The following AGAP1 variants were observed in gnomAD, a reference collection of about 807,000 sequenced individuals.
The protein encoded by AGAP1 is arf-GAP with GTPase, ANK repeat and PH domain-containing protein 1.
Under a neutral mutation model 105.3 loss-of-function variants are expected in AGAP1, and 29 were observed. The observed-to-expected ratio is 0.28, with a 90% CI of 0.21 to 0.38. The LOEUF (loss-of-function observed/expected upper bound fraction) is 0.38, where lower values mean the gene tolerates loss of function less well. Ranked by LOEUF, AGAP1 falls within the 10% of genes least tolerant of loss-of-function variation. The pLI is 1.00. For missense variants in AGAP1, 998 were observed against 1,165.1 expected (o/e 0.86, Z 2.09); for synonymous variants, 509 against 485.9 (o/e 1.05, Z -0.63).
intron 13 of AGAP1, among the ~76,000 whole-genome samples, chr2:236,025,576 A>G (rs1453322997): frequency 1.3e-5 from 2 of 152,170 alleles, no homozygotes; most frequent in South Asian, 2.1e-4. Flanking sequence ...GGTCACTGCA[A>G]TGCCACCGAA....
At chr2:235,790,350 G>A (rs1013256569) in intron 6 of AGAP1, among the ~76,000 whole-genome samples, 4 of 152,004 alleles carry the variant, frequency 2.6e-5, no homozygotes, top group African/African-American at 9.7e-5. Context: ...AAGGGTAGAG[G>A]GACAGTTTTA....
In AGAP1 at chr2:235,872,861, G is replaced by A. The variant is rs564431205; in HGVS notation, c.1051-10484G>A. 6.6e-6 allele frequency among the ~76,000 whole-genome samples: 1 copy of A among 152,194 alleles called. No homozygotes were observed. Among genetic ancestry groups the A allele is most frequent in the Non-Finnish European group, 1.5e-5 (1 of 68,038 alleles). ...CCATGGTCGAACTGGAACTTGCTTTGGGAAGAGTGTGGACTAAGAAGGGGC... is the reference window on the plus strand; with the variant it reads ...CCATGGTCGAACTGGAACTTGCTTTAGGAAGAGTGTGGACTAAGAAGGGGC... On this transcript the variant is annotated intron_variant, in intron 9 of 17. Transcript: ENST00000304032. This position sits in a 1 kb window ranked among gnomAD's most constrained non-coding sequence, Gnocchi z 4.5.
Position 235,662,489 on chromosome 2 carries a change from G to T in AGAP1, c.164-46690G>T, listed in dbSNP as rs551489984. 1.0e-3 allele frequency among the ~76,000 whole-genome samples: 151 copies of T among 150,922 alleles called. No homozygotes were observed. The highest frequency in any genetic ancestry group is 1.5e-3 in the Non-Finnish European group (102 of 67,834). On this transcript the variant is annotated intron_variant, in intron 1 of 17. Transcript: ENST00000304032. This position sits in a 1 kb window ranked among gnomAD's most constrained non-coding sequence, Gnocchi z 4.2. Reference sequence around the variant, plus strand: ...AATTTAGTTTATCATTCCCCTACTTGGTCTGTCTGCCTTCATGGAAGTTGG... The same window carrying T: ...AATTTAGTTTATCATTCCCCTACTTTGTCTGTCTGCCTTCATGGAAGTTGG...
At chr2:236,008,933 G>T (rs188497384) in intron 13 of AGAP1, among the ~76,000 whole-genome samples, 2 of 152,298 alleles carry the variant, frequency 1.3e-5, no homozygotes, top group Non-Finnish European at 2.9e-5. Flanking sequence ...AAATTACGAA[G>T]ACTGTTGGCC....
chr2:235,722,729 A>G (rs1951449472), intron 3 of AGAP1, among the ~76,000 whole-genome samples: 2 of 152,118 alleles, frequency 1.3e-5, no homozygotes, highest in Non-Finnish European at 2.9e-5. Flanking sequence ...GCTTGAACGT[A>G]TCTTCTAGGG....
At position 236,113,609 on chromosome 2, in the gene AGAP1, G is replaced by A. The variant is rs1217167120; in HGVS notation, c.2115-6583G>A. Among the ~76,000 whole-genome samples, 1 of 152,190 alleles carries A rather than the reference G, an allele frequency of 6.6e-6. No homozygotes were observed. Among genetic ancestry groups the A allele is most frequent in the African/African-American group, 2.4e-5 (1 of 41,454 alleles). The stretch of plus-strand genomic sequence containing the variant: ...GGCATGGCAGGCACTAAGTATGCGG[G>A]TAGCAGGTGGGGAGTGTCCAAGAGA... On this transcript the variant is annotated intron_variant, in intron 16 of 17. Coordinates refer to ENST00000304032, the MANE Select transcript of AGAP1 (RefSeq NM_001037131.3). This position sits in a 1 kb window ranked among gnomAD's most constrained non-coding sequence, Gnocchi z 4.3.
rs748720368 is a variant in AGAP1, at chr2:235,927,368, G to A, written c.1325-3397G>A. On this transcript the variant is annotated intron_variant, in intron 11 of 17. Transcript: ENST00000304032. This position sits in a 1 kb window ranked among gnomAD's most constrained non-coding sequence, Gnocchi z 4.4. ...TCTGAGCCACACCCTCAGAGCTGCT[G>A]CACCAGCATCTCAGTGGATTGGACT... Among the ~76,000 whole-genome samples, 1 of 152,196 alleles carries A rather than the reference G, an allele frequency of 6.6e-6. No homozygotes were observed. Among genetic ancestry groups the A allele is most frequent in the African/African-American group, 2.4e-5 (1 of 41,450 alleles).
chr2:235,516,055 TCTGCTGCTGCTGCTGCTGCTGCTGCTG>T (rs112761133), intron 1 of AGAP1, among the ~76,000 whole-genome samples: 5 of 138,630 alleles, frequency 3.6e-5, no homozygotes, highest in East Asian at 2.3e-4. Context: ...CATGGGCTCC[TCTGCTGCTGCTGCTGCTGCTGCTGCTG>T]CTGCTGCTGC....
chr2:236,119,417 G>A lies in AGAP1; in HGVS notation c.2115-775G>A, dbSNP rs2059848510. On this transcript the variant is annotated intron_variant, in intron 16 of 17. Transcript: ENST00000304032. The surrounding 1 kb of genome is among the most constrained non-coding windows in gnomAD (Gnocchi z 6.6). ...CATCTCCCTGCTAAACCTCCTCATTGGAGTCTCCACCCTCTCCTGCGTGAG... is the reference window on the plus strand; with the variant it reads ...CATCTCCCTGCTAAACCTCCTCATTAGAGTCTCCACCCTCTCCTGCGTGAG... 6.6e-6 allele frequency among the ~76,000 whole-genome samples: 1 copy of A among 152,104 alleles called. No homozygotes were observed. Among genetic ancestry groups the A allele is most frequent in the East Asian group, 1.9e-4 (1 of 5,188 alleles).
At chr2:235,629,259 T>A (rs1417152915) in intron 1 of AGAP1, among the ~76,000 whole-genome samples, 3 of 149,186 alleles carry the variant, frequency 2.0e-5, no homozygotes, top group Non-Finnish European at 4.4e-5. Flanking sequence ...TAAGGCTGAG[T>A]AGTAGTCATT....
chr2:236,028,136 G>C (rs967055287), intron 13 of AGAP1, among the ~76,000 whole-genome samples: 1 of 152,178 alleles, frequency 6.6e-6, no homozygotes, highest in African/African-American at 2.4e-5. Flanking sequence ...TCATGGGGCT[G>C]ACCTTCCCAA....
intron 16 of AGAP1, chr2:236,072,303 C>A (rs1344189913): frequency 6.6e-6 from 1 of 151,934 alleles, no homozygotes; most frequent in Non-Finnish European, 1.5e-5. Context: ...TAGCTGGGCG[C>A]GGTGGTGCGC....
chr2:235,549,310 G>A lies in AGAP1; in HGVS notation c.163+54461G>A, dbSNP rs968358813. 3.3e-5 allele frequency among the ~76,000 whole-genome samples: 5 copies of A among 152,190 alleles called. No homozygotes were observed. ...TGACTGGAGAGAGCTGGCGAGTGCAGCCTGCTGGGATGCCAGCTCTCACCT... is the reference window on the plus strand; with the variant it reads ...TGACTGGAGAGAGCTGGCGAGTGCAACCTGCTGGGATGCCAGCTCTCACCT... On this transcript the variant is annotated intron_variant, in intron 1 of 17. Coordinates refer to ENST00000304032, the MANE Select transcript of AGAP1 (RefSeq NM_001037131.3). The surrounding 1 kb of genome is among the most constrained non-coding windows in gnomAD (Gnocchi z 4.2).
chr2:235,518,944 G>A lies in AGAP1; in HGVS notation c.163+24095G>A, dbSNP rs565724655. Among the ~76,000 whole-genome samples, 218 of 152,286 alleles carry A rather than the reference G, an allele frequency of 1.4e-3. 1 individual carries two copies. The highest frequency in any genetic ancestry group is 7.8e-3 in the Admixed American group (120 of 15,294). The stretch of plus-strand genomic sequence containing the variant: ...GGCAGGGGCAGCAACAGGAGGCTGC[G>A]GCCAGTTGGCTTCACACTGTTTGGG... On this transcript the variant is annotated intron_variant, in intron 1 of 17. Transcript: ENST00000304032.
rs1024102985 is a variant in AGAP1, at chr2:235,959,719, G to A, written c.1484-8743G>A. Among the ~76,000 whole-genome samples the A allele has an allele frequency of 1.1e-4, 16 of 152,094 alleles. No individual in the cohort carries two copies. The highest frequency in any genetic ancestry group is 2.0e-4 in the Admixed American group (3 of 15,280). On this transcript the variant is annotated intron_variant, in intron 12 of 17. Coordinates refer to ENST00000304032, the MANE Select transcript of AGAP1 (RefSeq NM_001037131.3). This position sits in a 1 kb window ranked among gnomAD's most constrained non-coding sequence, Gnocchi z 7.3. Reference sequence around the variant, plus strand: ...ATGATGGCCACTCCCTCGTGTAGCCGGTTCCCCTGCTGCTGCAGCCGGGCC... The same window carrying A: ...ATGATGGCCACTCCCTCGTGTAGCCAGTTCCCCTGCTGCTGCAGCCGGGCC...
rs2059157292 is a variant in AGAP1 at position 236,095,010 on chromosome 2, G to A, written c.2115-25182G>A. 1.3e-5 allele frequency among the ~76,000 whole-genome samples: 2 copies of A among 151,984 alleles called. No homozygotes were observed. The highest frequency in any genetic ancestry group is 1.5e-5 in the Non-Finnish European group (1 of 68,010). ...GCTACTCTTGAGGATGAGATGGGAG[G>A]ATCACTTGAGCCCGGGAGGTCCAGG... On this transcript the variant is annotated intron_variant, in intron 16 of 17. Transcript: ENST00000304032. The surrounding 1 kb of genome is among the most constrained non-coding windows in gnomAD (Gnocchi z 4.1).
At position 235,750,224 on chromosome 2, in the gene AGAP1, C is replaced by G; in HGVS notation, c.539-130C>G. ...TAGTTGGGAGGCAAACGATGCTCTA[C>G]AATTCCAGATTCATAAACTAATTAC... On this transcript the variant is annotated intron_variant, in intron 5 of 17. Coordinates refer to ENST00000304032, the MANE Select transcript of AGAP1 (RefSeq NM_001037131.3). The surrounding 1 kb of genome is among the most constrained non-coding windows in gnomAD (Gnocchi z 5.3). The G allele has an allele frequency of 7.5e-7, 1 of 1,334,746 alleles. No individual in the cohort carries two copies. The highest frequency in any genetic ancestry group is 1.4e-5 in the South Asian group (1 of 72,802). The allele number at this position is 1,334,746 out of a possible 1,614,324, so 82.7% of individuals were successfully genotyped here. A position where few individuals can be genotyped will look rare whatever the true frequency, so the allele number is the denominator to read the frequency against.
intron 9 of AGAP1, among the ~76,000 whole-genome samples, chr2:235,847,506 C>T (rs1277891327): frequency 6.6e-6 from 1 of 152,216 alleles, no homozygotes; most frequent in African/African-American, 2.4e-5. Context: ...AAAATTACAT[C>T]TTTGAAAAGA....
intron 1 of AGAP1, among the ~76,000 whole-genome samples, chr2:235,602,410 C>A (rs1289758627): frequency 6.6e-6 from 1 of 152,162 alleles, no homozygotes; most frequent in African/African-American, 2.4e-5. Context: ...ACTTTGTTAA[C>A]CCCTGCTTGG....
Sources: gnomAD v4.1 joint callset for allele counts (sites outside exome capture counted in the v4.1 genomes callset) on GRCh38, gnomAD v4.1.1 for gene constraint, Gnocchi (gnomAD v3.1) non-coding constraint, MANE v1.5 for transcripts, NCBI Gene and HGNC (gene_info 2026-07-23, HGNC 2026-07-21) for gene names.